Variants in DNAJC8 observed in about 807,000 individuals in gnomAD.
DNAJC8 encodes DnaJ heat shock protein family (Hsp40) member C8, also known as dnaJ homolog subfamily C member 8.
Under a neutral mutation model 43.2 loss-of-function variants are expected in DNAJC8, and 24 were observed. The observed-to-expected ratio is 0.56, with a 90% CI of 0.40 to 0.78. The LOEUF (loss-of-function observed/expected upper bound fraction) is 0.78, where lower values mean the gene tolerates loss of function less well. DNAJC8 is among the 30% of genes least tolerant of loss of function. The probability of loss-of-function intolerance (pLI) is 0.00; values close to 1 mark genes in which losing one functional copy is unlikely to be tolerated. For missense variants in DNAJC8, 207 were observed against 299.4 expected (o/e 0.69, Z 2.28); for synonymous variants, 83 against 98.0 (o/e 0.85, Z 0.90).
At chr1:28,205,230 T>C (rs1323310499) in intron 7 of DNAJC8, 28 bp downstream of exon 7, 2 of 1,500,390 alleles carry the variant, frequency 1.3e-6, no homozygotes, top group East Asian at 2.3e-5. Flanking sequence ...TATTTAAATA[T>C]GGTTTAAATG....
intron 2 of DNAJC8, among the ~76,000 whole-genome samples, chr1:28,217,607 G>T (rs11247763): frequency 0.19 from 28,707 of 151,814 alleles, 3,207 homozygotes; most frequent in Non-Finnish European, 0.25. Flanking sequence ...ACAGACGAGG[G>T]GCTGTAACTG....
intron 2 of DNAJC8, among the ~76,000 whole-genome samples, chr1:28,221,092 C>G (rs1006759080): frequency 6.6e-6 from 1 of 151,944 alleles, no homozygotes. Flanking sequence ...GTAATCCCAG[C>G]ACTTTGGGAG....
At chr1:28,231,439 G>C (rs1646973937) in intron 1 of DNAJC8, among the ~76,000 whole-genome samples, 1 of 151,730 alleles carries the variant, frequency 6.6e-6, no homozygotes, top group African/African-American at 2.4e-5. Flanking sequence ...ATCCCGGCCA[G>C]GCGTGGTGGC....
chr1:28,214,435 G>A (rs1210745068), intron 3 of DNAJC8, among the ~76,000 whole-genome samples: 3 of 152,206 alleles, frequency 2.0e-5, no homozygotes, highest in Non-Finnish European at 4.4e-5. Flanking sequence ...CTGGGAGGCT[G>A]AGGCAGGAGA....
chr1:28,203,890 ATCT>A, intron 7 of DNAJC8, 68 bp from the exon 8 acceptor site: 1 of 1,482,768 alleles, frequency 6.7e-7, no homozygotes, highest in Non-Finnish European at 9.4e-7. Flanking sequence ...ACAAGGTGGC[ATCT>A]CCCCACAGAA....
chr1:28,201,951 T>C (rs1183684522), intron 8 of DNAJC8, among the ~76,000 whole-genome samples: 1 of 145,930 alleles, frequency 6.9e-6, no homozygotes, highest in African/African-American at 2.5e-5. Context: ...TAGCCGGGCA[T>C]GGTGGCGCAT....
At chr1:28,226,418 G>A (rs12120639) in intron 2 of DNAJC8, among the ~76,000 whole-genome samples, 49,578 of 150,462 alleles carry the variant, frequency 0.33, 10,188 homozygotes, top group African/African-American at 0.52. Context: ...CAGAAGAATC[G>A]CTTGAACCCG....
In DNAJC8 at chr1:28,205,408, A is replaced by G. The variant is rs1646762035; in HGVS notation, c.472-59T>C. On this transcript the variant is annotated intron_variant, in intron 6 of 8. Transcript: ENST00000263697. ...GTAAATATTTTTACCAGCAACTTGA[A>G]CCATGTACTTTCACCTGGAGTCCAA... The G allele has an allele frequency of 4.5e-6, 6 of 1,332,488 alleles. No individual in the cohort carries two copies. In the South Asian group the frequency reaches 7.3e-5, roughly 16 times the overall value. 82.5% of individuals were successfully genotyped at this position (1,332,488 alleles called of 1,614,324 possible). A position where few individuals can be genotyped will look rare whatever the true frequency, so the allele number is the denominator to read the frequency against.
At chr1:28,203,221 G>A (rs1365469465) in intron 8 of DNAJC8, among the ~76,000 whole-genome samples, 6 of 152,014 alleles carry the variant, frequency 3.9e-5, no homozygotes, top group Non-Finnish European at 8.8e-5. Context: ...AAACCCTATA[G>A]AAGAAAAGAC....
At chr1:28,211,906 AG>A (rs974333667) in intron 3 of DNAJC8, among the ~76,000 whole-genome samples, 1 of 151,920 alleles carries the variant, frequency 6.6e-6, no homozygotes, top group Non-Finnish European at 1.5e-5. Context: ...CTGTAATCCC[AG>A]CACTTTGGAA....
At chr1:28,228,208 G>A (rs192091950) in intron 2 of DNAJC8, among the ~76,000 whole-genome samples, 55 of 152,132 alleles carry the variant, frequency 3.6e-4, no homozygotes, top group Non-Finnish European at 4.7e-4. Context: ...TATTAGCCAG[G>A]CACAGTGGTG....
chr1:28,209,904 A>C, intron 5 of DNAJC8, 68 bp downstream of exon 5: 1 of 1,372,704 alleles, frequency 7.3e-7, no homozygotes, highest in Non-Finnish European at 1.0e-6. Flanking sequence ...GTTCATATGT[A>C]CCCTTCTACA....
At chr1:28,211,152 T>C (rs1407305418) in intron 3 of DNAJC8, among the ~76,000 whole-genome samples, 1 of 148,402 alleles carries the variant, frequency 6.7e-6, no homozygotes, top group African/African-American at 2.5e-5. Flanking sequence ...AGTGAGACCC[T>C]GTCTCCAGGA....
chr1:28,201,222 G>C lies in DNAJC8; in HGVS notation c.*26C>G, dbSNP rs201063813. 1.2e-6 allele frequency: 2 copies of C among 1,611,534 alleles called. No individual in the cohort carries two copies. Among genetic ancestry groups the C allele is most frequent in the Middle Eastern group, 2.2e-4 (1 of 4,462 alleles). ...GCAGGAAGGGAGATAGCAGGGGAAA[G>C]GTTCTGTGCCTGTGACCTTGGGCGG... On this transcript the variant is annotated 3_prime_UTR_variant, in exon 9 of 9. Transcript: ENST00000263697.
At chr1:28,224,347 A>G (rs1342387580) in intron 2 of DNAJC8, among the ~76,000 whole-genome samples, 1 of 152,106 alleles carries the variant, frequency 6.6e-6, no homozygotes, top group Non-Finnish European at 1.5e-5. Flanking sequence ...GGCTCACTGC[A>G]ACCTCTGCCT....
At chr1:28,206,527 C>A (rs1170188314) in intron 6 of DNAJC8, among the ~76,000 whole-genome samples, 2 of 152,178 alleles carry the variant, frequency 1.3e-5, no homozygotes, top group African/African-American at 4.8e-5. Flanking sequence ...CAAAGGGAGA[C>A]CCTATCTCTA....
intron 2 of DNAJC8, among the ~76,000 whole-genome samples, chr1:28,215,705 T>A (rs972198726): frequency 1.3e-5 from 2 of 151,932 alleles, no homozygotes; most frequent in African/African-American, 2.4e-5. Context: ...ACCTGGCTAA[T>A]TTTGTAATTT....
chr1:28,218,628 A>G (rs931254160), intron 2 of DNAJC8, among the ~76,000 whole-genome samples: 11 of 151,848 alleles, frequency 7.2e-5, no homozygotes, highest in Admixed American at 4.6e-4. Flanking sequence ...CTCCCTGGCC[A>G]GGCACAGTGG....
At chr1:28,208,501 C>A in intron 5 of DNAJC8, 88 bp from the exon 6 acceptor site, 5 of 780,140 alleles carry the variant, frequency 6.4e-6, no homozygotes, top group Non-Finnish European at 5.7e-6. Flanking sequence ...ATTTAACTTT[C>A]TATAGGCACG....
Sources: gnomAD v4.1 joint callset for allele counts (sites outside exome capture counted in the v4.1 genomes callset) on GRCh38, gnomAD v4.1.1 for gene constraint, MANE v1.5 for transcripts, NCBI Gene and HGNC (gene_info 2026-07-23, HGNC 2026-07-21) for gene names.